The following TTC28 variants were observed in gnomAD, a reference collection of about 807,000 sequenced individuals.
TTC28 encodes the protein tetratricopeptide repeat domain 28, also known as tetratricopeptide repeat protein 28.
In TTC28, 61 loss-of-function variants were observed where a neutral mutation model predicts 198.0. The observed-to-expected ratio is 0.31, with a 90% CI of 0.25 to 0.38. The LOEUF (loss-of-function observed/expected upper bound fraction) is 0.38, where lower values mean the gene tolerates loss of function less well. Among genes scored for constraint, TTC28 ranks in the 10% least tolerant of loss-of-function variants. TTC28 has a pLI of 1.00. For synonymous variants in TTC28, 1,171 were observed against 1,297.8 expected (o/e 0.90, Z 2.10); for missense variants, 2,678 against 3,164.0 (o/e 0.85, Z 3.69).
chr22:28,575,437 A>C (rs2050130419), intron 2 of TTC28, among the ~76,000 whole-genome samples: 1 of 151,972 alleles, frequency 6.6e-6, no homozygotes, highest in Non-Finnish European at 1.5e-5. Flanking sequence ...TCTGTAGTAT[A>C]ATTTGAAGTC....
At chr22:28,070,484 T>A (rs952287394) in intron 12 of TTC28, among the ~76,000 whole-genome samples, 1 of 152,068 alleles carries the variant, frequency 6.6e-6, no homozygotes, top group Admixed American at 6.6e-5. Context: ...CAAAACATCA[T>A]TAAAAGGCAA....
chr22:28,032,530 T>C lies in TTC28; in HGVS notation c.3933-2164A>G, dbSNP rs140632813. Among the ~76,000 whole-genome samples, 16 of 152,058 alleles carry C rather than the reference T, an allele frequency of 1.1e-4. No individual in the cohort carries two copies. In the East Asian group the frequency reaches 2.7e-3, roughly 26 times the overall value. On this transcript the variant is annotated intron_variant, in intron 12 of 22. Transcript: ENST00000397906. ...AATTGCTGAATGAATGAATGACCTA[T>C]GCTGGAGAGAATTTTATAATGTGCA... is the stretch of plus-strand genomic sequence containing the variant.
intron 12 of TTC28, among the ~76,000 whole-genome samples, chr22:28,037,977 C>T (rs1030527526): frequency 4.6e-5 from 7 of 152,186 alleles, no homozygotes; most frequent in African/African-American, 7.2e-5. Flanking sequence ...TGAAGGACCT[C>T]TTCAAGGAGA....
At chr22:28,035,905 T>C (rs752660148) in intron 12 of TTC28, among the ~76,000 whole-genome samples, 12 of 152,136 alleles carry the variant, frequency 7.9e-5, no homozygotes, top group Non-Finnish European at 1.8e-4. Context: ...ACTACATAAA[T>C]GGTTAAAGGG....
In TTC28 at chr22:28,065,019, A is replaced by G. The variant is rs963512810; in HGVS notation, c.3932+29061T>C. Among the ~76,000 whole-genome samples, 3 of 152,244 alleles carry G rather than the reference A, an allele frequency of 2.0e-5. No individual in the cohort carries two copies. The East Asian group carries it at 5.8e-4, about 29-fold the overall frequency. ...CAGTGTACTGATGCATCATTTTGAT[A>G]CATTATACATAGGAATGCATGGCTT... is the stretch of plus-strand genomic sequence containing the variant. On this transcript the variant is annotated intron_variant, in intron 12 of 22. Coordinates refer to ENST00000397906, the MANE Select transcript of TTC28 (RefSeq NM_001145418.2).
At chr22:28,400,146 T>C (rs991332429) in intron 2 of TTC28, among the ~76,000 whole-genome samples, 4 of 152,214 alleles carry the variant, frequency 2.6e-5, no homozygotes, top group African/African-American at 9.6e-5. Context: ...TTTCAGTAAC[T>C]TTTCATCTTG....
At chr22:28,522,532 G>A (rs976778602) in intron 2 of TTC28, among the ~76,000 whole-genome samples, 1 of 147,880 alleles carries the variant, frequency 6.8e-6, no homozygotes, top group Non-Finnish European at 1.5e-5. Context: ...CTGAGAGAAA[G>A]ACTGAAAATT....
intron 5 of TTC28, among the ~76,000 whole-genome samples, chr22:28,215,902 A>G (rs1569203729): frequency 6.6e-6 from 1 of 152,192 alleles, no homozygotes; most frequent in Non-Finnish European, 1.5e-5. Context: ...CAGAGAGAAA[A>G]AAGCCATATT....
At chr22:28,488,986 T>TA (rs1195672675) in intron 2 of TTC28, among the ~76,000 whole-genome samples, 2 of 152,092 alleles carry the variant, frequency 1.3e-5, no homozygotes, top group African/African-American at 2.4e-5. Context: ...CCATCAATAT[T>TA]AAAAAATCAT....
chr22:28,526,419 T>C (rs919979518), intron 2 of TTC28, among the ~76,000 whole-genome samples: 1 of 152,170 alleles, frequency 6.6e-6, no homozygotes, highest in Non-Finnish European at 1.5e-5. Flanking sequence ...AAAAAATAAC[T>C]ATTTGAAGGC....
rs574644157 is a variant in TTC28, at chr22:28,306,587, C to T, written c.438G>A (p.Leu146=). Reference sequence around the variant, plus strand: ...GAGCCAGTCCAGATGCAAAGGCTGCCAGGGCATCGGCATGACGTCCAAGGT... The same window carrying T: ...GAGCCAGTCCAGATGCAAAGGCTGCTAGGGCATCGGCATGACGTCCAAGGT... ...LQYLGRHADA[L]AAFASGLAQD... is the part of the protein sequence containing the mutation. Residue 146 remains leucine (L), a synonymous_variant, in exon 3 of 23, where the codon CTG becomes CTA. Coordinates refer to ENST00000397906, the MANE Select transcript of TTC28 (RefSeq NM_001145418.2). 5 of 1,551,554 alleles carry T rather than the reference C, an allele frequency of 3.2e-6. No individual in the cohort carries two copies. The Admixed American group carries it at 9.8e-5, about 30-fold the overall frequency.
chr22:28,169,586 C>G (rs1445620419), intron 5 of TTC28, among the ~76,000 whole-genome samples: 1 of 152,030 alleles, frequency 6.6e-6, no homozygotes, highest in Non-Finnish European at 1.5e-5. Context: ...AACCAAACAC[C>G]ACATGTTCTC....
chr22:28,175,745 A>T (rs947045715), intron 5 of TTC28, among the ~76,000 whole-genome samples: 10 of 152,160 alleles, frequency 6.6e-5, no homozygotes, highest in Non-Finnish European at 1.0e-4. Flanking sequence ...AAAAAAAATT[A>T]AAAAATGGGC....
chr22:28,132,390 G>A (rs1943081086), intron 6 of TTC28, among the ~76,000 whole-genome samples: 1 of 152,176 alleles, frequency 6.6e-6, no homozygotes, highest in Non-Finnish European at 1.5e-5. Context: ...GACTTCAACA[G>A]GACGCTGATT....
chr22:28,241,782 A>AGTT (rs1929672949), intron 5 of TTC28, among the ~76,000 whole-genome samples: 1 of 152,166 alleles, frequency 6.6e-6, no homozygotes, highest in African/African-American at 2.4e-5. Flanking sequence ...TGCTTTAGGT[A>AGTT]TGGGACTTGA....
chr22:28,444,296 T>C (rs1356464353), intron 2 of TTC28, among the ~76,000 whole-genome samples: 2 of 152,204 alleles, frequency 1.3e-5, no homozygotes, highest in Non-Finnish European at 2.9e-5. Context: ...GTTCCAACAA[T>C]GTTTAACTTA....
chr22:28,346,358 C>T (rs134501), intron 2 of TTC28, among the ~76,000 whole-genome samples: 149,187 of 152,328 alleles, frequency 0.98, 73,055 homozygotes, highest in East Asian at 0.99. Flanking sequence ...GGACCACAGC[C>T]TGAATATCTG....
Position 28,108,156 on chromosome 22 carries a change from G to T in TTC28, c.1689C>A (p.Ala563=). The change falls in exon 7 of 23, where the codon GCC becomes GCA. Residue 563 remains alanine, a synonymous_variant. Coordinates refer to ENST00000397906, the MANE Select transcript of TTC28 (RefSeq NM_001145418.2). ...GGTCATGGGCACCCAGGGCCTGGTA[G>T]GCCACGGCAAGGTTCCCATGTGTGG... is the stretch of plus-strand genomic sequence containing the variant. The part of the protein sequence containing the change: ...QASTHGNLAV[A]YQALGAHDRA... 1 of 1,551,760 alleles carries T rather than the reference G, an allele frequency of 6.4e-7. No homozygotes were observed. The highest frequency in any genetic ancestry group is 8.7e-7 in the Non-Finnish European group (1 of 1,147,012).
At chr22:28,638,742 A>G (rs888149478) in intron 1 of TTC28, among the ~76,000 whole-genome samples, 30 of 152,242 alleles carry the variant, frequency 2.0e-4, no homozygotes, top group Non-Finnish European at 8.8e-5. Flanking sequence ...CTTAAAGACA[A>G]TATTTTTTTA....
Sources: allele counts gnomAD v4.1 joint callset (sites outside exome capture counted in the v4.1 genomes callset), GRCh38; gene constraint gnomAD v4.1.1; transcripts MANE v1.5; gene names NCBI Gene and HGNC (gene_info 2026-07-23, HGNC 2026-07-21).